The following FGL1 variants were observed in gnomAD, a reference collection of about 807,000 sequenced individuals.
FGL1 encodes fibrinogen like 1, also known as fibrinogen-like protein 1.
Under a neutral mutation model 43.7 loss-of-function variants are expected in FGL1, and 59 were observed. The observed-to-expected ratio is 1.35, with a 90% confidence interval of 1.10 to 1.68. The LOEUF (loss-of-function observed/expected upper bound fraction) is 1.68, where lower values mean the gene tolerates loss of function less well. Among genes scored for constraint, FGL1 ranks in the 40% most tolerant of loss-of-function variants. The probability of loss-of-function intolerance (pLI) is 0.00; values close to 1 mark genes in which losing one functional copy is unlikely to be tolerated. For missense variants in FGL1, 596 were observed against 373.0 expected (o/e 1.60, Z -4.92); for synonymous variants, 192 against 126.5 (o/e 1.52, Z -3.48).
At chr8:17,880,278 A>T (rs1433539633) in intron 3 of FGL1, among the ~76,000 whole-genome samples, 2 of 152,184 alleles carry the variant, frequency 1.3e-5, no homozygotes, top group Admixed American at 1.3e-4. Flanking sequence ...AGAGGGAGAT[A>T]AGGATCTTGG....
Position 17,868,978 on chromosome 8 carries a change from C to G in FGL1, c.529G>C (p.Ala177Pro), listed in dbSNP as rs752150477. Reference protein sequence around the residue: ...QEDYTLKIDLADFEKNSRYAQ... With the variant: ...QEDYTLKIDLPDFEKNSRYAQ... Reference sequence around the variant, plus strand: ...TAACGGCTATTTTTTTCAAAATCTGCAAGGTCGATTTTTAAAGTGTAGTCT... The same window carrying G: ...TAACGGCTATTTTTTTCAAAATCTGGAAGGTCGATTTTTAAAGTGTAGTCT... Residue 177 changes from alanine to proline, a missense_variant, in exon 6 of 8, where the codon GCA (alanine) becomes CCA (proline). Transcript: ENST00000427924. 6.2e-7 allele frequency: 1 copy of G among 1,602,772 alleles called. No individual in the cohort carries two copies. The highest frequency in any genetic ancestry group is 8.5e-7 in the Non-Finnish European group (1 of 1,176,008).
intron 1 of FGL1, among the ~76,000 whole-genome samples, chr8:17,889,325 G>A (rs1356601349): frequency 6.6e-6 from 1 of 152,184 alleles, no homozygotes; most frequent in Non-Finnish European, 1.5e-5. Flanking sequence ...CGAAGTGGGA[G>A]GATCGCCAGA....
intron 3 of FGL1, among the ~76,000 whole-genome samples, chr8:17,879,651 A>G (rs2131721451): frequency 6.6e-6 from 1 of 152,150 alleles, no homozygotes; most frequent in Non-Finnish European, 1.5e-5. Flanking sequence ...CCATGATTGT[A>G]AGTTCCCTGA....
At chr8:17,869,431 A>C (rs572649234) in intron 5 of FGL1, among the ~76,000 whole-genome samples, 34 of 152,346 alleles carry the variant, frequency 2.2e-4, no homozygotes, top group Non-Finnish European at 4.7e-4. Flanking sequence ...TGTAATCTCT[A>C]GTAGCTGAGC....
chr8:17,893,368 A>G (rs1311894188), intron 1 of FGL1, among the ~76,000 whole-genome samples: 6 of 151,440 alleles, frequency 4.0e-5, no homozygotes, highest in African/African-American at 1.5e-4. Flanking sequence ...CACACTGTAT[A>G]TATACGTATA....
chr8:17,887,381 A>G (rs2053643666), intron 1 of FGL1, among the ~76,000 whole-genome samples: 1 of 152,170 alleles, frequency 6.6e-6, no homozygotes, highest in African/African-American at 2.4e-5. Context: ...TATTCTGCTT[A>G]TTTCTTTCAA....
chr8:17,867,031 A>T (rs537249203), intron 7 of FGL1, among the ~76,000 whole-genome samples: 1 of 152,206 alleles, frequency 6.6e-6, no homozygotes, highest in Non-Finnish European at 1.5e-5. Flanking sequence ...GAAATACTCC[A>T]GTTCCTTTAT....
intron 7 of FGL1, among the ~76,000 whole-genome samples, chr8:17,866,619 T>C (rs930349122): frequency 6.6e-6 from 1 of 152,214 alleles, no homozygotes; most frequent in South Asian, 2.1e-4. Flanking sequence ...CTCCACCTAA[T>C]GAATGGCCTT....
intron 3 of FGL1, among the ~76,000 whole-genome samples, chr8:17,879,420 T>C (rs770854008): frequency 3.3e-5 from 5 of 152,064 alleles, no homozygotes; most frequent in Admixed American, 2.0e-4. Flanking sequence ...CCAAATCTCA[T>C]GTTGAGTTGT....
At chr8:17,889,159 G>T (rs1334871530) in intron 1 of FGL1, among the ~76,000 whole-genome samples, 2 of 152,162 alleles carry the variant, frequency 1.3e-5, no homozygotes. Flanking sequence ...TCATCAAGGG[G>T]ACAAGGGCTA....
Position 17,874,963 on chromosome 8 carries a change from TA to T in FGL1, c.245-443del, listed in dbSNP as rs540181403. On this transcript the variant is annotated intron_variant, in intron 3 of 7. Coordinates refer to ENST00000427924, the MANE Select transcript of FGL1 (RefSeq NM_004467.4). ...TTCTGAGTTTTGTAGAAAACAATCT[TA>T]AAAAAAACAAGTTATGAGTAGTCTG... is the stretch of plus-strand genomic sequence containing the variant. Among the ~76,000 whole-genome samples, 315 of 151,786 alleles carry T rather than the reference TA, an allele frequency of 2.1e-3. 3 individuals are homozygous for T. Among genetic ancestry groups the T allele is most frequent in the Non-Finnish European group, 3.8e-3 (257 of 67,912 alleles).
chr8:17,891,884 C>T, intron 1 of FGL1: 4 of 640,768 alleles, frequency 6.2e-6, no homozygotes, highest in Non-Finnish European at 1.9e-6. Flanking sequence ...GCAAATATGT[C>T]ATGTCAATAT....
At chr8:17,891,110 G>A (rs1159009269) in intron 1 of FGL1, among the ~76,000 whole-genome samples, 1 of 152,152 alleles carries the variant, frequency 6.6e-6, no homozygotes, top group Admixed American at 6.6e-5. Flanking sequence ...TACAATGTAA[G>A]CACGAAGAGG....
At chr8:17,884,911 T>C (rs2053605165) in intron 2 of FGL1, among the ~76,000 whole-genome samples, 1 of 152,214 alleles carries the variant, frequency 6.6e-6, no homozygotes, top group Non-Finnish European at 1.5e-5. Context: ...CTTTTCAATA[T>C]TGAAAAGCTC....
chr8:17,868,569 T>C lies in FGL1; in HGVS notation c.758A>G (p.Gln253Arg). The C allele has an allele frequency of 6.2e-7, 1 of 1,612,608 alleles. No homozygotes were observed. Among genetic ancestry groups the C allele is most frequent in the Non-Finnish European group, 8.5e-7 (1 of 1,179,482 alleles). Residue 253 changes from glutamine (Q) to arginine (R), a missense_variant, in exon 7 of 8, where the codon CAG becomes CGG. By Grantham distance (43) the Gln-to-Arg change is conservative. Coordinates refer to ENST00000427924, the MANE Select transcript of FGL1 (RefSeq NM_004467.4). ...AAACCTGTTAAACCACCAGCCAGAC[T>C]GATCTTCTTCTGCGCAGTTCCCTTC... ...NYEGNCAEEDQSGWWFNRCHS... is the reference protein window; with the variant it reads ...NYEGNCAEEDRSGWWFNRCHS...
intron 2 of FGL1, chr8:17,882,389 A>C (rs1247221254): frequency 9.0e-6 from 4 of 442,176 alleles, no homozygotes. Flanking sequence ...TCCTGGACTC[A>C]AAAGATCAAA....
At chr8:17,882,221 C>T (rs3739405) in intron 2 of FGL1, 42 bp from the exon 3 acceptor site, 73,710 of 1,504,960 alleles carry the variant, frequency 0.049, 1,804 homozygotes, top group East Asian at 0.063. Flanking sequence ...ACCTCATTTT[C>T]ATGGAAAACA....
At chr8:17,888,725 A>T (rs1276741675) in intron 1 of FGL1, among the ~76,000 whole-genome samples, 2 of 152,208 alleles carry the variant, frequency 1.3e-5, no homozygotes, top group Non-Finnish European at 2.9e-5. Flanking sequence ...ATCAATAGTC[A>T]ATAATTTTAT....
chr8:17,878,581 T>C (rs1350238741), intron 3 of FGL1, among the ~76,000 whole-genome samples: 1 of 152,152 alleles, frequency 6.6e-6, no homozygotes, highest in East Asian at 1.9e-4. Flanking sequence ...TTTGACACAG[T>C]AACCTTTTAA....
Sources: allele counts gnomAD v4.1 joint callset (sites outside exome capture counted in the v4.1 genomes callset), GRCh38; gene constraint gnomAD v4.1.1; transcripts MANE v1.5; gene names NCBI Gene and HGNC (gene_info 2026-07-23, HGNC 2026-07-21).